DENND5A: variants seen among roughly 807,000 people sequenced by gnomAD.
DENND5A encodes DENN domain-containing protein 5A.
DENND5A carries 64 observed loss-of-function variants against 140.3 expected under a neutral mutation model. That is an observed-to-expected ratio of 0.46 (90% confidence interval 0.37 to 0.56). The LOEUF (loss-of-function observed/expected upper bound fraction) is 0.56. Among genes scored for constraint, DENND5A ranks in the 20% least tolerant of loss-of-function variants. The probability of loss-of-function intolerance (pLI) is 0.00; values close to 1 mark genes in which losing one functional copy is unlikely to be tolerated. For synonymous variants in DENND5A, 605 were observed against 607.7 expected (o/e 1.00, Z 0.07); for missense variants, 1,292 against 1,593.8 (o/e 0.81, Z 3.22).
At chr11:9,245,278 T>A (rs1851421265) in intron 1 of DENND5A, 1 of 118,398 alleles carries the variant, frequency 8.4e-6, no homozygotes, top group Admixed American at 9.3e-5. Context: ...AGCAAGACTG[T>A]CACCAAAAAA....
intron 5 of DENND5A, among the ~76,000 whole-genome samples, chr11:9,191,883 G>A (rs183333352): frequency 6.6e-6 from 1 of 152,150 alleles, no homozygotes; most frequent in African/African-American, 2.4e-5. Flanking sequence ...ATATTAAATA[G>A]ACATTTGTTT....
chr11:9,193,767 A>G (rs896455345), intron 4 of DENND5A, 86 bp from the exon 5 acceptor site: 94 of 1,168,930 alleles, frequency 8.0e-5, no homozygotes, highest in Non-Finnish European at 1.0e-4. Flanking sequence ...TAAAACTTTC[A>G]GTACAATTTC....
chr11:9,256,775 C>T (rs1486420997), intron 1 of DENND5A, among the ~76,000 whole-genome samples: 2 of 152,062 alleles, frequency 1.3e-5, no homozygotes, highest in Non-Finnish European at 2.9e-5. Flanking sequence ...CTAATGGGTA[C>T]AGGTTTTCAG....
At chr11:9,198,632 A>C (rs1321292433) in intron 4 of DENND5A, among the ~76,000 whole-genome samples, 1 of 152,058 alleles carries the variant, frequency 6.6e-6, no homozygotes, top group Non-Finnish European at 1.5e-5. Flanking sequence ...AAAAAAGAAA[A>C]GTAAAGTAAC....
At chr11:9,149,587 C>T (rs1847544245) in intron 15 of DENND5A, among the ~76,000 whole-genome samples, 1 of 152,018 alleles carries the variant, frequency 6.6e-6, no homozygotes, top group East Asian at 1.9e-4. Context: ...AAGAAGTTTA[C>T]CAGGTAGAGT....
At chr11:9,223,666 C>G (rs1850411186) in intron 1 of DENND5A, among the ~76,000 whole-genome samples, 1 of 152,140 alleles carries the variant, frequency 6.6e-6, no homozygotes, top group Non-Finnish European at 1.5e-5. Context: ...CTACGGTGAG[C>G]TATGATCACA....
At chr11:9,145,155 G>C in intron 17 of DENND5A, 42 bp from the exon 18 acceptor site, 2 of 1,443,398 alleles carry the variant, frequency 1.4e-6, no homozygotes, top group African/African-American at 1.4e-5. Context: ...AGGAAAATCA[G>C]AGAAAAGAAC....
chr11:9,141,357 T>C (rs1324066863), intron 22 of DENND5A, among the ~76,000 whole-genome samples: 5 of 152,208 alleles, frequency 3.3e-5, no homozygotes, highest in Non-Finnish European at 7.3e-5. Context: ...ACCACACACA[T>C]AAGTCACGTG....
intron 4 of DENND5A, among the ~76,000 whole-genome samples, chr11:9,203,024 TTC>T (rs530427227): frequency 3.2e-4 from 48 of 152,344 alleles, no homozygotes; most frequent in African/African-American, 1.1e-3. Context: ...GCAACAATTT[TTC>T]TGTCTTGTCC....
chr11:9,231,685 A>C (rs1035325272), intron 1 of DENND5A, among the ~76,000 whole-genome samples: 1 of 144,746 alleles, frequency 6.9e-6, no homozygotes, highest in Admixed American at 7.1e-5. Flanking sequence ...ATTGCATTCC[A>C]GCCTGGGCAA....
intron 1 of DENND5A, among the ~76,000 whole-genome samples, chr11:9,228,718 C>CAA (rs56879368): frequency 3.0e-5 from 4 of 133,710 alleles, no homozygotes; most frequent in African/African-American, 1.1e-4. Context: ...GACACCGTCT[C>CAA]AAAAAAAAAA....
Position 9,142,839 on chromosome 11 carries a change from T to C in DENND5A, c.3394A>G (p.Ser1132Gly). 1 of 1,614,004 alleles carries C rather than the reference T, an allele frequency of 6.2e-7. No homozygotes were observed. The highest frequency in any genetic ancestry group is 8.5e-7 in the Non-Finnish European group (1 of 1,179,912). Reference protein sequence around the residue: ...HFHKPEKERGSLTLLLCGECG... With the variant: ...HFHKPEKERGGLTLLLCGECG... ...TCTCCACAGAGCAACAGCGTCAGAC[T>C]GCCTCGCTACGTAAGGAAACAGGGG... Residue 1132 changes from serine to glycine, a missense_variant, in exon 21 of 23, where the codon AGT becomes GGT. Ser to Gly is a moderately conservative substitution (Grantham distance 56). Around this residue, in one of 4 missense-constraint regions of DENND5A, gnomAD observed 498 missense variants for 689.7 expected, o/e 0.72. Coordinates refer to ENST00000328194, the MANE Select transcript of DENND5A (RefSeq NM_015213.4).
Position 9,265,195 on chromosome 11 carries a change from C to CGCTA in DENND5A, c.-127_-126insTAGC. On this transcript the variant is annotated 5_prime_UTR_variant, in exon 1 of 23. The change abolishes the stop of an existing upstream ORF in the 5' untranslated region. Transcript: ENST00000328194. The surrounding 1 kb of genome is among the most constrained non-coding windows in gnomAD (Gnocchi z 4.7). ...CCGCTACCGCGGCTCGGGCCGCCGCCCCCGGCCCTGGCCCGGTCCCCTCGG... is the reference window on the plus strand; with the variant it reads ...CCGCTACCGCGGCTCGGGCCGCCGCCGCTACCCGGCCCTGGCCCGGTCCCCTCGG... 1 of 391,348 alleles carries CGCTA rather than the reference C, an allele frequency of 2.6e-6. No individual in the cohort carries two copies. Among genetic ancestry groups the CGCTA allele is most frequent in the Non-Finnish European group, 3.5e-6 (1 of 283,294 alleles). 24.2% of individuals were successfully genotyped at this position (391,348 alleles called of 1,614,324 possible).
chr11:9,201,271 C>T lies in DENND5A; in HGVS notation c.949+2389G>A, dbSNP rs559857198. Among the ~76,000 whole-genome samples the T allele has an allele frequency of 6.0e-5, 9 of 150,912 alleles. No homozygotes were observed. In the South Asian group the frequency reaches 8.4e-4, roughly 14 times the overall value. ...GCACCTGTAGTCCCAGCTACTCAGGCGGCTGAGATGGGAAGATCACTTGAG... is the reference window on the plus strand; with the variant it reads ...GCACCTGTAGTCCCAGCTACTCAGGTGGCTGAGATGGGAAGATCACTTGAG... On this transcript the variant is annotated intron_variant, in intron 4 of 22. Transcript: ENST00000328194.
chr11:9,250,433 T>C (rs1188990435), intron 1 of DENND5A, among the ~76,000 whole-genome samples: 3 of 152,184 alleles, frequency 2.0e-5, no homozygotes, highest in Admixed American at 6.6e-5. Flanking sequence ...ACACAGCTCC[T>C]CTACTGCAAT....
rs965240891 is a variant in DENND5A, at chr11:9,242,014, CA to C, written c.109+22946del. 9.7e-3 allele frequency among the ~76,000 whole-genome samples: 563 copies of C among 58,160 alleles called. 6 individuals carry two copies. Among genetic ancestry groups the C allele is most frequent in the African/African-American group, 0.029 (473 of 16,134 alleles). 38.2% of individuals were successfully genotyped at this position (58,160 alleles called of 152,430 possible). ...GGGCAACATGAGCGAAACTCCGTCT[CA>C]AAAAAAAAAAAAAAAAAAAAAGTAC... On this transcript the variant is annotated intron_variant, in intron 1 of 22. Transcript: ENST00000328194.
intron 4 of DENND5A, among the ~76,000 whole-genome samples, chr11:9,201,298 C>G (rs1849514061): frequency 6.6e-6 from 1 of 151,086 alleles, no homozygotes; most frequent in African/African-American, 2.4e-5. Flanking sequence ...TCACTTGAGT[C>G]CAGGATATCA....
intron 1 of DENND5A, among the ~76,000 whole-genome samples, chr11:9,228,211 T>C (rs949861161): frequency 6.6e-6 from 1 of 151,914 alleles, no homozygotes; most frequent in African/African-American, 2.4e-5. Flanking sequence ...GCACAGCGTT[T>C]GTATGCTAAT....
chr11:9,259,953 G>C (rs1852118609), intron 1 of DENND5A, among the ~76,000 whole-genome samples: 1 of 142,414 alleles, frequency 7.0e-6, no homozygotes, highest in Admixed American at 7.5e-5. Context: ...ACTTGAACCA[G>C]ACAGGCAGAG....
Sources: allele counts gnomAD v4.1 joint callset (sites outside exome capture counted in the v4.1 genomes callset), GRCh38; gene constraint gnomAD v4.1.1; regional missense constraint gnomAD v4.1.1; non-coding constraint Gnocchi (gnomAD v3.1); transcripts MANE v1.5; gene names NCBI Gene and HGNC (gene_info 2026-07-23, HGNC 2026-07-21).